The following FLNB variants were observed in gnomAD, a reference collection of about 807,000 sequenced individuals.
FLNB encodes filamin B.
In FLNB, 111 loss-of-function variants were observed where a neutral mutation model predicts 250.6. The ratio of observed to expected loss-of-function variants is 0.44; its 90% CI spans 0.38 to 0.52. The LOEUF is 0.52. Ranked by LOEUF, FLNB falls within the 20% of genes least tolerant of loss-of-function variation. The probability of loss-of-function intolerance (pLI) is 0.00; values close to 1 mark genes in which losing one functional copy is unlikely to be tolerated. For synonymous variants in FLNB, 1,302 were observed against 1,372.1 expected (o/e 0.95, Z 1.13); for missense variants, 2,869 against 3,447.8 (o/e 0.83, Z 4.20).
intron 22 of FLNB, among the ~76,000 whole-genome samples, 176 bp downstream of exon 22, chr3:58,124,681 G>T (rs932672629): frequency 5.9e-5 from 9 of 152,360 alleles, no homozygotes; most frequent in Non-Finnish European, 1.2e-4. Flanking sequence ...TCAGTGCCTG[G>T]CTTGCTGGCC....
chr3:58,122,241 A>G (rs1009401880), intron 20 of FLNB, among the ~76,000 whole-genome samples: 2 of 150,862 alleles, frequency 1.3e-5, no homozygotes, highest in Non-Finnish European at 2.9e-5. Context: ...GCCTGTAATC[A>G]CTGCACTTTG....
intron 18 of FLNB, among the ~76,000 whole-genome samples, chr3:58,118,432 G>A (rs2097282717): frequency 6.6e-6 from 1 of 152,162 alleles, no homozygotes; most frequent in Non-Finnish European, 1.5e-5. Context: ...AGAGCAGCTA[G>A]GACACAGATT....
In FLNB at chr3:58,138,521, A is replaced by G. The variant is rs764808802; in HGVS notation, c.5101A>G (p.Thr1701Ala). 2.5e-6 allele frequency: 4 copies of G among 1,614,130 alleles called. No individual in the cohort carries two copies. The South Asian group carries it at 4.4e-5, about 18-fold the overall frequency. ...TGTTGATATTCCTAACAGCCCCTTCACTGTCATGGTAAGGAAAATTCCTTC... is the reference window on the plus strand; with the variant it reads ...TGTTGATATTCCTAACAGCCCCTTCGCTGTCATGGTAAGGAAAATTCCTTC... The part of the protein sequence containing the change: ...GGVDIPNSPF[T>A]VMATDGEVTA... Residue 1701 changes from threonine to alanine, a missense_variant, in exon 29 of 46, where the codon ACT becomes GCT. Transcript: ENST00000295956.
Position 58,142,895 on chromosome 3 carries a change from C to T in FLNB, c.5284+143C>T, listed in dbSNP as rs947429073. Reference sequence around the variant, plus strand: ...GAGTTCTTGGTCTCCGGTGTTGGGCCGTGGGCTCCTGAAACTACAGAATAT... The same window carrying T: ...GAGTTCTTGGTCTCCGGTGTTGGGCTGTGGGCTCCTGAAACTACAGAATAT... On this transcript the variant is annotated intron_variant, in intron 31 of 45. Transcript: ENST00000295956. This position sits in a 1 kb window ranked among gnomAD's most constrained non-coding sequence, Gnocchi z 4.3. 5.7e-5 allele frequency: 41 copies of T among 713,282 alleles called. No homozygotes were observed. In the Admixed American group the frequency reaches 6.9e-4, roughly 12 times the overall value. 44.2% of individuals were successfully genotyped at this position (713,282 alleles called of 1,614,324 possible).
At chr3:58,071,995 C>T (rs1031466532) in intron 1 of FLNB, among the ~76,000 whole-genome samples, 8 of 104,888 alleles carry the variant, frequency 7.6e-5, no homozygotes, top group Non-Finnish European at 1.5e-4. Flanking sequence ...CTAGAATGCT[C>T]CTTCACCAGG....
intron 38 of FLNB, chr3:58,151,009 GTTC>G (rs900462686): frequency 6.5e-6 from 1 of 152,956 alleles, no homozygotes; most frequent in South Asian, 2.1e-4. Context: ...TAGTTAACAG[GTTC>G]TTCTTGTGTA....
At chr3:58,119,457 G>A (rs1412992879) in intron 19 of FLNB, among the ~76,000 whole-genome samples, 1 of 152,222 alleles carries the variant, frequency 6.6e-6, no homozygotes, top group African/African-American at 2.4e-5. Context: ...GCACTCAGAA[G>A]TCACTACCAC....
chr3:58,041,032 A>T (rs1446451443), intron 1 of FLNB, among the ~76,000 whole-genome samples: 1 of 152,156 alleles, frequency 6.6e-6, no homozygotes, highest in African/African-American at 2.4e-5. Context: ...TTTATGCCTC[A>T]TGTCACTTAC....
At chr3:58,071,274 CTTTTTTTTTTT>C (rs57488190) in intron 1 of FLNB, among the ~76,000 whole-genome samples, 2 of 81,604 alleles carry the variant, frequency 2.5e-5, no homozygotes, top group East Asian at 5.1e-4. Flanking sequence ...CTCCTCGATT[CTTTTTTTTTTT>C]TTTTTTTTTT....
Position 58,106,481 on chromosome 3 carries a change from A to AT in FLNB, c.1748-199_1748-198insT, listed in dbSNP as rs112493722. Among the ~76,000 whole-genome samples the AT allele has an allele frequency of 2.1e-3, 320 of 149,312 alleles. 2 individuals carry two copies. Among genetic ancestry groups the AT allele is most frequent in the Non-Finnish European group, 3.6e-3 (240 of 67,402 alleles). ...CCAGGCCTACATTTGAAAAAAAAAA[A>AT]ATATATATATATTTTCCACCCCTTC... is the stretch of plus-strand genomic sequence containing the variant. On this transcript the variant is annotated intron_variant, in intron 11 of 45. Transcript: ENST00000295956.
intron 25 of FLNB, 120 bp downstream of exon 25, chr3:58,131,028 A>T: frequency 2.1e-6 from 2 of 968,974 alleles, no homozygotes; most frequent in Non-Finnish European, 3.1e-6. Flanking sequence ...ATTAAAAAAA[A>T]TTATTGTTTC....
rs1411257134 is a variant in FLNB at position 58,094,880 on chromosome 3, A to G, written c.832A>G (p.Thr278Ala). ...CATGGTGAAGCAGCCAGCCAAGTTC[A>G]CTGTGGACACCATCAGCGCCGGGCA... ...GNMVKQPAKFTVDTISAGQGD... is the reference protein window; with the variant it reads ...GNMVKQPAKFAVDTISAGQGD... The change falls in exon 5 of 46, where the codon ACT becomes GCT. Residue 278 changes from threonine (T) to alanine (A), a missense_variant. Transcript: ENST00000295956. The G allele has an allele frequency of 1.2e-6, 2 of 1,613,986 alleles. No individual in the cohort carries two copies. The highest frequency in any genetic ancestry group is 1.3e-5 in the African/African-American group (1 of 74,906).
intron 1 of FLNB, among the ~76,000 whole-genome samples, chr3:58,062,948 T>C (rs1576654818): frequency 6.6e-6 from 1 of 152,186 alleles, no homozygotes; most frequent in Non-Finnish European, 1.5e-5. Flanking sequence ...GTGGTTGTAG[T>C]AGCCCCCGTG....
chr3:58,170,213 C>A (rs539769771), intron 45 of FLNB, among the ~76,000 whole-genome samples: 1 of 152,304 alleles, frequency 6.6e-6, no homozygotes, highest in South Asian at 2.1e-4. Context: ...CAAGAAGATT[C>A]TCATAGCCAA....
chr3:58,157,017 CAACCTCTCT>C (rs1401496510), intron 41 of FLNB, among the ~76,000 whole-genome samples: 1 of 152,150 alleles, frequency 6.6e-6, no homozygotes, highest in African/African-American at 2.4e-5. Context: ...CCCTTAACGG[CAACCTCTCT>C]AACCCCCACC....
chr3:58,165,373 G>A (rs765135222), intron 43 of FLNB: 62 of 152,364 alleles, frequency 4.1e-4, no homozygotes, highest in African/African-American at 1.4e-3. Context: ...AGAACCGCCT[G>A]CTTCAAACCC....
intron 1 of FLNB, among the ~76,000 whole-genome samples, chr3:58,015,365 C>T (rs1232228561): frequency 6.6e-6 from 1 of 152,182 alleles, no homozygotes; most frequent in African/African-American, 2.4e-5. Flanking sequence ...CTGGCCAGTC[C>T]AGATATTTTT....
At chr3:58,144,716 C>A (rs1286220934) in intron 32 of FLNB, among the ~76,000 whole-genome samples, 1 of 152,248 alleles carries the variant, frequency 6.6e-6, no homozygotes, top group Non-Finnish European at 1.5e-5. Context: ...TTCACACGCC[C>A]TCTGGCCATG....
chr3:58,159,271 T>C (rs556194271), intron 41 of FLNB, among the ~76,000 whole-genome samples: 4 of 152,344 alleles, frequency 2.6e-5, no homozygotes, highest in African/African-American at 9.6e-5. Context: ...TTTTGGATGC[T>C]GAGATGATAG....
Sources: gnomAD v4.1 joint callset for allele counts (sites outside exome capture counted in the v4.1 genomes callset) on GRCh38, gnomAD v4.1.1 for gene constraint, Gnocchi (gnomAD v3.1) non-coding constraint, MANE v1.5 for transcripts, NCBI Gene and HGNC (gene_info 2026-07-23, HGNC 2026-07-21) for gene names.